The following FER variants were observed in gnomAD, a reference collection of about 807,000 sequenced individuals.
FER encodes the protein tyrosine-protein kinase Fer.
In FER, 63 loss-of-function variants were observed where a neutral mutation model predicts 111.0. The ratio of observed to expected loss-of-function variants is 0.57; its 90% CI spans 0.46 to 0.70. The LOEUF (loss-of-function observed/expected upper bound fraction) is 0.70. Ranked by LOEUF, FER falls within the 30% of genes least tolerant of loss-of-function variation. The probability of loss-of-function intolerance (pLI) is 0.00; values close to 1 mark genes in which losing one functional copy is unlikely to be tolerated. For missense variants in FER, 914 were observed against 954.0 expected (o/e 0.96, Z 0.55); for synonymous variants, 327 against 313.9 (o/e 1.04, Z -0.44).
intron 13 of FER, among the ~76,000 whole-genome samples, chr5:109,030,923 G>C (rs1236509141): frequency 6.6e-6 from 1 of 152,096 alleles, no homozygotes; most frequent in Non-Finnish European, 1.5e-5. Flanking sequence ...TGAGATAACA[G>C]GCCCACAGAA....
intron 9 of FER, among the ~76,000 whole-genome samples, chr5:108,892,609 C>T (rs1263384829): frequency 4.5e-4 from 69 of 152,154 alleles, no homozygotes; most frequent in South Asian, 2.1e-4. Flanking sequence ...TTCTCTCTTT[C>T]TGTAGGTTGC....
intron 9 of FER, among the ~76,000 whole-genome samples, chr5:108,892,375 G>A (rs1748244165): frequency 1.3e-5 from 2 of 152,182 alleles, no homozygotes; most frequent in South Asian, 4.2e-4. Flanking sequence ...GTGTGAGATG[G>A]TATCTCATTG....
At chr5:108,992,920 C>T (rs1223090809) in intron 13 of FER, among the ~76,000 whole-genome samples, 2 of 149,900 alleles carry the variant, frequency 1.3e-5, no homozygotes, top group African/African-American at 4.9e-5. Flanking sequence ...GGCAGAGACG[C>T]TTCCCACATC....
chr5:108,980,871 T>C (rs143567213), intron 13 of FER, among the ~76,000 whole-genome samples: 1 of 152,278 alleles, frequency 6.6e-6, no homozygotes, highest in African/African-American at 2.4e-5. Flanking sequence ...ACATTCAACT[T>C]ATAATTCAGA....
intron 13 of FER, among the ~76,000 whole-genome samples, chr5:108,969,206 T>C (rs974587081): frequency 1.3e-5 from 2 of 152,200 alleles, no homozygotes; most frequent in African/African-American, 4.8e-5. Context: ...GTTCTATGCA[T>C]GTATGAAGTT....
At position 108,867,753 on chromosome 5, in the gene FER, T is replaced by A. The variant is rs757756310; in HGVS notation, c.482-14T>A. On this transcript the variant is annotated splice_polypyrimidine_tract_variant and intron_variant, in intron 5 of 19. Coordinates refer to ENST00000281092, the MANE Select transcript of FER (RefSeq NM_005246.4). ...ATCTCTTTACTAACTTTCTTCAGTT[T>A]TTTTTTTTTTCAGGGAAGGAAACTG... is the stretch of plus-strand genomic sequence containing the variant. 6.3e-7 allele frequency: 1 copy of A among 1,580,966 alleles called. No homozygotes were observed. The highest frequency in any genetic ancestry group is 2.2e-5 in the East Asian group (1 of 44,506).
At chr5:108,987,511 G>A (rs553753138) in intron 13 of FER, among the ~76,000 whole-genome samples, 11 of 152,136 alleles carry the variant, frequency 7.2e-5, no homozygotes, top group African/African-American at 2.6e-4. Flanking sequence ...TCAGTGGTTA[G>A]GTATATTCCT....
intron 13 of FER, among the ~76,000 whole-genome samples, chr5:109,036,231 A>T (rs1265227330): frequency 6.6e-6 from 1 of 152,064 alleles, no homozygotes; most frequent in Non-Finnish European, 1.5e-5. Context: ...TACCCACTTG[A>T]TCATGACGTT....
chr5:109,140,301 C>T (rs546846114), intron 17 of FER, among the ~76,000 whole-genome samples: 31 of 152,260 alleles, frequency 2.0e-4, no homozygotes, highest in Middle Eastern at 3.4e-3. Context: ...CAAAACATAT[C>T]CTTTCTGAAG....
intron 17 of FER, among the ~76,000 whole-genome samples, chr5:109,117,288 G>A (rs1275565658): frequency 2.0e-5 from 3 of 151,904 alleles, no homozygotes; most frequent in Non-Finnish European, 4.4e-5. Flanking sequence ...AGATTCTGTG[G>A]GTCAGAAGAA....
intron 16 of FER, chr5:109,051,910 A>G: frequency 3.2e-6 from 5 of 1,571,626 alleles, no homozygotes; most frequent in Non-Finnish European, 1.8e-6. Flanking sequence ...GCAAGTGTGA[A>G]CAGCACTCAA....
intron 5 of FER, among the ~76,000 whole-genome samples, chr5:108,863,909 T>C (rs546385229): frequency 1.3e-5 from 2 of 152,316 alleles, no homozygotes; most frequent in East Asian, 1.9e-4. Context: ...TCAAGTTTTT[T>C]TCTTTCTTTC....
intron 13 of FER, among the ~76,000 whole-genome samples, chr5:109,036,587 A>G (rs912506850): frequency 6.6e-6 from 1 of 151,958 alleles, no homozygotes; most frequent in African/African-American, 2.4e-5. Context: ...AAATATATCA[A>G]CCAGGATACT....
chr5:108,979,512 T>C (rs1462421892), intron 13 of FER, among the ~76,000 whole-genome samples: 1 of 152,126 alleles, frequency 6.6e-6, no homozygotes, highest in Non-Finnish European at 1.5e-5. Context: ...GTTCAAAAAA[T>C]ATTACACGGC....
At chr5:109,177,391 T>C (rs770749341) in intron 17 of FER, 3 of 151,346 alleles carry the variant, frequency 2.0e-5, no homozygotes, top group Non-Finnish European at 4.4e-5. Flanking sequence ...CTCAATATTA[T>C]CCAGACCCAG....
At chr5:108,946,999 A>C (rs1230243255) in intron 11 of FER, among the ~76,000 whole-genome samples, 1 of 152,022 alleles carries the variant, frequency 6.6e-6, no homozygotes, top group Non-Finnish European at 1.5e-5. Context: ...TCCAAGGTTC[A>C]TCCATGTCAT....
intron 1 of FER, among the ~76,000 whole-genome samples, chr5:108,765,569 A>G (rs775084940): frequency 6.6e-6 from 1 of 152,128 alleles, no homozygotes; most frequent in Non-Finnish European, 1.5e-5. Context: ...ACAGTGGGCT[A>G]GCTTTCCTGA....
rs529550559 is a variant in FER, at chr5:109,171,554, G to A, written c.2049-9193G>A. 3.3e-5 allele frequency among the ~76,000 whole-genome samples: 5 copies of A among 152,310 alleles called. No individual in the cohort carries two copies. The East Asian group carries it at 9.6e-4, about 29-fold the overall frequency. On this transcript the variant is annotated intron_variant, in intron 17 of 19. Transcript: ENST00000281092. ...CAGCCATTATCATGACGGCTATTCA[G>A]TAAGAAGTGGTTTTGTCACTTTTTT...
At chr5:109,178,407 A>C (rs1210021804) in intron 17 of FER, among the ~76,000 whole-genome samples, 1 of 152,214 alleles carries the variant, frequency 6.6e-6, no homozygotes, top group Admixed American at 6.5e-5. Context: ...GATGCAATGA[A>C]GATAGTTATG....
Sources: gnomAD v4.1 joint callset for allele counts (sites outside exome capture counted in the v4.1 genomes callset) on GRCh38, gnomAD v4.1.1 for gene constraint, MANE v1.5 for transcripts, NCBI Gene and HGNC (gene_info 2026-07-23, HGNC 2026-07-21) for gene names.